Variants in ANK1 observed in about 807,000 individuals in gnomAD.
The protein encoded by ANK1 is ankyrin 1.
A neutral mutation model predicts 210.4 loss-of-function variants in ANK1; 51 were observed. The observed-to-expected ratio is 0.24, with a 90% confidence interval of 0.19 to 0.31. The LOEUF (loss-of-function observed/expected upper bound fraction) is 0.31. ANK1 is among the 10% of genes least tolerant of loss of function. The pLI, the probability that ANK1 is intolerant of heterozygous loss-of-function variation, is 1.00. For synonymous variants in ANK1, 967 were observed against 1,025.9 expected (o/e 0.94, Z 1.10); for missense variants, 2,051 against 2,504.4 (o/e 0.82, Z 3.86).
chr8:41,691,473 C>T, intron 31 of ANK1, among the ~76,000 whole-genome samples: 1 of 152,180 alleles, frequency 6.6e-6, no homozygotes, highest in Middle Eastern at 3.2e-3. Context: ...TCTCTGGGGC[C>T]CTCAGCCTTC....
At chr8:41,687,980 C>A (rs913384613) in intron 35 of ANK1, among the ~76,000 whole-genome samples, 176 bp downstream of exon 35, 6 of 152,236 alleles carry the variant, frequency 3.9e-5, no homozygotes, top group Non-Finnish European at 7.3e-5. Flanking sequence ...GGGGCTCCCC[C>A]TTCATGGGCA....
chr8:41,822,574 G>T (rs972995919), intron 1 of ANK1, among the ~76,000 whole-genome samples: 1 of 152,056 alleles, frequency 6.6e-6, no homozygotes, highest in African/African-American at 2.4e-5. Context: ...ATTTTTAAAG[G>T]GTGATATTTT....
At chr8:41,812,421 G>A (rs1802633344) in intron 1 of ANK1, among the ~76,000 whole-genome samples, 3 of 152,236 alleles carry the variant, frequency 2.0e-5, no homozygotes, top group South Asian at 4.1e-4. Context: ...GCCTCCAGGA[G>A]GAGGCAGTGG....
chr8:41,774,507 G>C (rs908158212), intron 1 of ANK1, among the ~76,000 whole-genome samples: 3 of 152,226 alleles, frequency 2.0e-5, no homozygotes, highest in African/African-American at 7.2e-5. Context: ...CCATCCCAGG[G>C]CCAGGGCCGT....
Position 41,793,782 on chromosome 8 carries a change from A to T in ANK1, c.27+3730T>A, listed in dbSNP as rs77150118. Among the ~76,000 whole-genome samples the T allele has an allele frequency of 1.0e-3, 153 of 152,336 alleles. 2 individuals carry two copies. The East Asian group carries it at 0.028, about 28-fold the overall frequency. On this transcript the variant is annotated intron_variant, in intron 1 of 42. Transcript: ENST00000289734. ...GTGATTGCAAATTCATATACTACAT[A>T]TGAATTGTGATTTTATAGTGGCTCC... is the stretch of plus-strand genomic sequence containing the variant.
chr8:41,827,722 ACT>A (rs3041252), intron 1 of ANK1, among the ~76,000 whole-genome samples: 5 of 101,320 alleles, frequency 4.9e-5, no homozygotes, highest in African/African-American at 1.0e-4. Flanking sequence ...ACCCACTCAC[ACT>A]CACACACATC....
intron 2 of ANK1, among the ~76,000 whole-genome samples, chr8:41,749,744 C>G (rs1316481341): frequency 2.0e-5 from 3 of 152,086 alleles, no homozygotes; most frequent in African/African-American, 7.2e-5. Flanking sequence ...TCCTGAGTAG[C>G]TGGGATTACA....
At chr8:41,767,907 A>G (rs1253159667) in intron 1 of ANK1, among the ~76,000 whole-genome samples, 1 of 152,166 alleles carries the variant, frequency 6.6e-6, no homozygotes, top group African/African-American at 2.4e-5. Flanking sequence ...ACCGATTTGC[A>G]TGTTTTGAGC....
intron 1 of ANK1, among the ~76,000 whole-genome samples, chr8:41,864,040 C>T (rs375793099): frequency 3.4e-4 from 52 of 152,110 alleles, no homozygotes; most frequent in South Asian, 1.9e-3. Flanking sequence ...GTCAGGAGAT[C>T]GAGATCCAGA....
At chr8:41,871,173 C>A (rs1476256674) in intron 1 of ANK1, among the ~76,000 whole-genome samples, 1 of 152,192 alleles carries the variant, frequency 6.6e-6, no homozygotes, top group African/African-American at 2.4e-5. Flanking sequence ...TTCCCATCGC[C>A]CCTGCATTGT....
At chr8:41,676,397 G>A (rs1167604288) in intron 37 of ANK1, among the ~76,000 whole-genome samples, 2 of 152,178 alleles carry the variant, frequency 1.3e-5, no homozygotes, top group African/African-American at 2.4e-5. Flanking sequence ...TGGGTGAAAA[G>A]TCTGTTCGAA....
intron 1 of ANK1, among the ~76,000 whole-genome samples, chr8:41,804,940 A>T (rs1021487288): frequency 3.3e-5 from 5 of 152,200 alleles, no homozygotes; most frequent in African/African-American, 4.8e-5. Flanking sequence ...ATTCAAGGGT[A>T]AACTCCCACT....
At chr8:41,749,013 C>A (rs571130092) in intron 2 of ANK1, among the ~76,000 whole-genome samples, 1 of 149,630 alleles carries the variant, frequency 6.7e-6, no homozygotes, top group Middle Eastern at 3.2e-3. Context: ...CCAACCTGGG[C>A]GACAGAGCAA....
intron 7 of ANK1, among the ~76,000 whole-genome samples, chr8:41,723,973 A>T (rs1830035850): frequency 1.3e-5 from 2 of 151,470 alleles, no homozygotes; most frequent in African/African-American, 4.9e-5. Context: ...TATTTTTAGT[A>T]GAGACGGGGT....
rs1823951030 is a variant in ANK1, at chr8:41,704,323, G to A, written c.2196+51C>T. The A allele has an allele frequency of 6.5e-7, 1 of 1,549,474 alleles. No homozygotes were observed. Among genetic ancestry groups the A allele is most frequent in the African/African-American group, 1.4e-5 (1 of 73,518 alleles). On this transcript the variant is annotated intron_variant, in intron 19 of 42. Coordinates refer to ENST00000289734, the MANE Select transcript of ANK1 (RefSeq NM_000037.4). The surrounding 1 kb of genome is among the most constrained non-coding windows in gnomAD (Gnocchi z 4.1). ...AGAGCAGCTCTGGCTTTACCCTGATGTGGCATGGAGAAGGGTCAGTGCAGG... is the reference window on the plus strand; with the variant it reads ...AGAGCAGCTCTGGCTTTACCCTGATATGGCATGGAGAAGGGTCAGTGCAGG...
chr8:41,788,645 A>C (rs1411547155), intron 1 of ANK1, among the ~76,000 whole-genome samples: 2 of 152,214 alleles, frequency 1.3e-5, no homozygotes, highest in Non-Finnish European at 1.5e-5. Flanking sequence ...TGGCGGGTAC[A>C]AAGTCGCTAC....
At chr8:41,847,739 T>C (rs1810334991) in intron 1 of ANK1, among the ~76,000 whole-genome samples, 1 of 152,368 alleles carries the variant, frequency 6.6e-6, no homozygotes, top group East Asian at 1.9e-4. Context: ...CCGTGCCTTT[T>C]ATCCCAGATT....
chr8:41,839,109 TGA>T (rs1563882012), intron 1 of ANK1, among the ~76,000 whole-genome samples: 2 of 152,144 alleles, frequency 1.3e-5, no homozygotes, highest in Non-Finnish European at 2.9e-5. Context: ...GATGCAACAA[TGA>T]CTGTACCACC....
chr8:41,723,297 A>G (rs1015953238), intron 8 of ANK1, 74 bp from the exon 9 acceptor site: 17 of 1,494,160 alleles, frequency 1.1e-5, no homozygotes, highest in Non-Finnish European at 1.5e-5. Context: ...AAGACTGCCT[A>G]TGGCATCATC....
Sources: allele counts gnomAD v4.1 joint callset (sites outside exome capture counted in the v4.1 genomes callset), GRCh38; gene constraint gnomAD v4.1.1; non-coding constraint Gnocchi (gnomAD v3.1); transcripts MANE v1.5; gene names NCBI Gene and HGNC (gene_info 2026-07-23, HGNC 2026-07-21).